Variants in PLA2G4A observed in about 807,000 individuals in gnomAD.
PLA2G4A encodes the protein phospholipase A2 group IVA, also known as cytosolic phospholipase A2.
In PLA2G4A, 40 loss-of-function variants were observed where a neutral mutation model predicts 81.9. The observed-to-expected ratio is 0.49, with a 90% CI of 0.38 to 0.64. The LOEUF (loss-of-function observed/expected upper bound fraction) is 0.64. Among genes scored for constraint, PLA2G4A ranks in the 30% least tolerant of loss-of-function variants. PLA2G4A has a pLI of 0.00. For synonymous variants in PLA2G4A, 302 were observed against 296.9 expected, an observed-to-expected ratio of 1.02 and a Z score of -0.18; for missense variants, 715 against 905.1, an observed-to-expected ratio of 0.79 and a Z score of 2.69.
chr1:186,941,926 T>C (rs767368574), intron 10 of PLA2G4A, among the ~76,000 whole-genome samples: 2 of 152,196 alleles, frequency 1.3e-5, no homozygotes, highest in Non-Finnish European at 2.9e-5. Flanking sequence ...CACAATGTTT[T>C]GCCAAAAAAT....
intron 7 of PLA2G4A, 109 bp downstream of exon 7, chr1:186,911,498 C>T (rs892287321): frequency 1.6e-5 from 14 of 856,782 alleles, no homozygotes; most frequent in Admixed American, 9.1e-5. Flanking sequence ...GAGCATTATT[C>T]CTTTAGTTTT....
intron 3 of PLA2G4A, among the ~76,000 whole-genome samples, chr1:186,890,547 T>G (rs546366301): frequency 6.6e-6 from 1 of 152,290 alleles, no homozygotes; most frequent in East Asian, 1.9e-4. Context: ...AAGTGGGTAT[T>G]TATGTGAAAT....
At chr1:186,954,906 TA>T (rs1557890588) in intron 13 of PLA2G4A, among the ~76,000 whole-genome samples, 1 of 152,208 alleles carries the variant, frequency 6.6e-6, no homozygotes, top group Non-Finnish European at 1.5e-5. Context: ...AGCTAGTGTT[TA>T]TTAAGAATTT....
intron 2 of PLA2G4A, among the ~76,000 whole-genome samples, chr1:186,855,184 C>T (rs2102028610): frequency 6.6e-6 from 1 of 152,036 alleles, no homozygotes; most frequent in African/African-American, 2.4e-5. Flanking sequence ...TTGACCTGGA[C>T]TCAGCCCTTC....
intron 10 of PLA2G4A, among the ~76,000 whole-genome samples, chr1:186,943,853 G>T (rs1656245150): frequency 6.6e-6 from 1 of 152,100 alleles, no homozygotes; most frequent in Admixed American, 6.6e-5. Flanking sequence ...ATTTGATTTT[G>T]ATGATAATGG....
intron 1 of PLA2G4A, among the ~76,000 whole-genome samples, chr1:186,853,584 G>A (rs988652111): frequency 6.6e-6 from 1 of 151,924 alleles, no homozygotes; most frequent in African/African-American, 2.4e-5. Context: ...ATAAAATGCT[G>A]AAATACAAGT....
intron 7 of PLA2G4A, among the ~76,000 whole-genome samples, chr1:186,930,530 A>T (rs1291866785): frequency 5.3e-5 from 8 of 152,158 alleles, no homozygotes; most frequent in African/African-American, 1.9e-4. Flanking sequence ...CTCTTATTAA[A>T]TCTCTTGCTG....
intron 7 of PLA2G4A, among the ~76,000 whole-genome samples, chr1:186,915,022 C>A (rs1214850684): frequency 1.3e-5 from 2 of 152,148 alleles, no homozygotes; most frequent in Non-Finnish European, 2.9e-5. Flanking sequence ...AACAAGGGAG[C>A]AGTAAGCAGG....
At chr1:186,981,365 TAC>T (rs1055880813) in intron 17 of PLA2G4A, among the ~76,000 whole-genome samples, 3 of 152,164 alleles carry the variant, frequency 2.0e-5, no homozygotes, top group African/African-American at 7.2e-5. Flanking sequence ...TAAGGAATGA[TAC>T]AGTTTTATTT....
chr1:186,879,964 T>G (rs1433339477), intron 3 of PLA2G4A, among the ~76,000 whole-genome samples: 1 of 151,944 alleles, frequency 6.6e-6, no homozygotes, highest in Non-Finnish European at 1.5e-5. Flanking sequence ...ACATTAGGTA[T>G]ATCTCCTAAT....
rs148618562 is a variant in PLA2G4A, at chr1:186,898,434, A to G, written c.378+4223A>G. 1.5e-3 allele frequency among the ~76,000 whole-genome samples: 222 copies of G among 152,324 alleles called. 1 individual carries two copies. Among genetic ancestry groups the G allele is most frequent in the Admixed American group, 3.9e-3 (60 of 15,304 alleles). ...ACTGTTATGTTCCAGACAGTATTCT[A>G]GGTGATAGACAGTATCCTGTGAACT... is the stretch of plus-strand genomic sequence containing the variant. On this transcript the variant is annotated intron_variant, in intron 5 of 17. Coordinates refer to ENST00000367466, the MANE Select transcript of PLA2G4A (RefSeq NM_024420.3).
intron 14 of PLA2G4A, among the ~76,000 whole-genome samples, 183 bp downstream of exon 14, chr1:186,956,527 A>G (rs1244201870): frequency 6.6e-6 from 1 of 151,910 alleles, no homozygotes; most frequent in Non-Finnish European, 1.5e-5. Flanking sequence ...GTTTGTTTGT[A>G]TTTTTGAGAC....
chr1:186,859,409 T>C (rs75839762), intron 2 of PLA2G4A, among the ~76,000 whole-genome samples: 15,640 of 152,238 alleles, frequency 0.1, 1,031 homozygotes, highest in Middle Eastern at 0.21. Context: ...CCATGAATTT[T>C]ACAAGAAGAA....
At chr1:186,833,988 C>T (rs1248787481) in intron 1 of PLA2G4A, among the ~76,000 whole-genome samples, 1 of 152,150 alleles carries the variant, frequency 6.6e-6, no homozygotes, top group Non-Finnish European at 1.5e-5. Flanking sequence ...GAATCAACTG[C>T]TTCCTTTTCC....
At chr1:186,880,500 C>A (rs985551994) in intron 3 of PLA2G4A, among the ~76,000 whole-genome samples, 26 of 151,830 alleles carry the variant, frequency 1.7e-4, no homozygotes, top group African/African-American at 6.3e-4. Flanking sequence ...ATTCTAGAGA[C>A]ATTTTTGTCA....
At chr1:186,899,632 G>GT (rs774319508) in intron 5 of PLA2G4A, among the ~76,000 whole-genome samples, 15 of 152,184 alleles carry the variant, frequency 9.9e-5, no homozygotes, top group Non-Finnish European at 1.6e-4. Flanking sequence ...AATGTGAGAT[G>GT]TAAGAGTTCT....
At chr1:186,927,597 A>C (rs537244989) in intron 7 of PLA2G4A, among the ~76,000 whole-genome samples, 1 of 152,340 alleles carries the variant, frequency 6.6e-6, no homozygotes, top group African/African-American at 2.4e-5. Context: ...AGAGTGTAAA[A>C]GAGATAATGC....
At chr1:186,972,078 C>G (rs1657375456) in intron 15 of PLA2G4A, among the ~76,000 whole-genome samples, 1 of 152,078 alleles carries the variant, frequency 6.6e-6, no homozygotes, top group South Asian at 2.1e-4. Flanking sequence ...GAGATCATGT[C>G]TTTTGATAAA....
At chr1:186,903,713 G>T (rs1654630256) in intron 5 of PLA2G4A, among the ~76,000 whole-genome samples, 1 of 152,168 alleles carries the variant, frequency 6.6e-6, no homozygotes, top group Non-Finnish European at 1.5e-5. Flanking sequence ...CCACATGGAA[G>T]GCTTAGTTGC....
Sources: allele counts gnomAD v4.1 joint callset (sites outside exome capture counted in the v4.1 genomes callset), GRCh38; gene constraint gnomAD v4.1.1; transcripts MANE v1.5; gene names NCBI Gene and HGNC (gene_info 2026-07-23, HGNC 2026-07-21).